LZTFL1: variants seen among roughly 807,000 people sequenced by gnomAD.
LZTFL1 encodes the protein leucine zipper transcription factor like 1, also known as leucine zipper transcription factor-like protein 1.
A neutral mutation model predicts 45.9 loss-of-function variants in LZTFL1; 25 were observed. The observed-to-expected ratio is 0.54, with a 90% CI of 0.40 to 0.76. The LOEUF (loss-of-function observed/expected upper bound fraction) is 0.76. Ranked by LOEUF, LZTFL1 falls within the 30% of genes least tolerant of loss-of-function variation. LZTFL1 has a pLI of 0.00. For synonymous variants in LZTFL1, 93 were observed against 117.4 expected, an observed-to-expected ratio of 0.79 and a Z score of 1.35; for missense variants, 277 against 331.1, an observed-to-expected ratio of 0.84 and a Z score of 1.27.
At chr3:45,832,211 ACT>A (rs1439762104) in intron 5 of LZTFL1, among the ~76,000 whole-genome samples, 1 of 151,984 alleles carries the variant, frequency 6.6e-6, no homozygotes, top group Non-Finnish European at 1.5e-5. Context: ...ACAGAGCAAG[ACT>A]CTGTCTCAAA....
At chr3:45,872,408 G>A (rs904641811) in intron 2 of LZTFL1, among the ~76,000 whole-genome samples, 1 of 152,170 alleles carries the variant, frequency 6.6e-6, no homozygotes, top group African/African-American at 2.4e-5. Flanking sequence ...TGTGGGGTAG[G>A]TTGTGTTTCC....
exon 4 of LZTFL1, chr3:45,855,035 G>T: frequency 6.5e-7 from 1 of 1,535,120 alleles, no homozygotes; most frequent in Non-Finnish European, 8.7e-7. Context: ...GTCACCAAAG[G>T]GTGGGTAGGG....
chr3:45,841,941 C>A (rs1160705818), intron 1 of LZTFL1, 48 bp downstream of exon 1: 1 of 1,604,934 alleles, frequency 6.2e-7, no homozygotes, highest in South Asian at 1.1e-5. Flanking sequence ...CAGCCCCGGC[C>A]GCGCTCTCTC....
At chr3:45,842,472 C>T (rs1404088579), upstream of LZTFL1, among the ~76,000 whole-genome samples, 2 of 150,674 alleles carry the variant, frequency 1.3e-5, no homozygotes, top group African/African-American at 2.5e-5. Flanking sequence ...TAGGGCGCGG[C>T]CCAGACATTT....
At chr3:45,842,170 G>T, upstream of LZTFL1, 1 of 1,476,876 alleles carries the variant, frequency 6.8e-7, no homozygotes, top group African/African-American at 1.4e-5. Context: ...CATTTTCATT[G>T]GTCCTCAGGA....
At position 45,838,024 on chromosome 3, in the gene LZTFL1, G is replaced by C. The variant is rs1337125353; in HGVS notation, c.31C>G (p.Gln11Glu). Residue 11 changes from glutamine to glutamate, a missense_variant, in exon 2 of 10, where the codon CAA becomes GAA. By Grantham distance (29) the Gln-to-Glu change is conservative (BLOSUM62 2). Coordinates refer to ENST00000296135, the MANE Select transcript of LZTFL1 (RefSeq NM_020347.4). The stretch of plus-strand genomic sequence containing the variant: ...CGCATATAATTAATAACTTCATTTT[G>C]ATGGTGCTCATTTAGGCCCAACTCT... MAELGLNEHHQNEVINYMRFA... is the reference protein window; with the variant it reads MAELGLNEHHENEVINYMRFA... 1 of 1,610,494 alleles carries C rather than the reference G, an allele frequency of 6.2e-7. No individual in the cohort carries two copies. The highest frequency in any genetic ancestry group is 1.7e-5 in the Admixed American group (1 of 59,136).
Position 45,823,687 on chromosome 3 carries a change from T to G in LZTFL1, c.*2627A>C, listed in dbSNP as rs1700597121. The G allele has an allele frequency of 6.6e-6, 1 of 152,234 alleles. No individual in the cohort carries two copies. The highest frequency in any genetic ancestry group is 2.1e-4 in the South Asian group (1 of 4,832). 9.4% of individuals were successfully genotyped at this position (152,234 alleles called of 1,614,324 possible). On this transcript the variant is annotated 3_prime_UTR_variant, in exon 10 of 10. Transcript: ENST00000296135. Reference sequence around the variant, plus strand: ...GTTTTGTCTAAATGTGAAATATCATTTTGCTGAAATAGCTTTTCTTTCTGG... The same window carrying G: ...GTTTTGTCTAAATGTGAAATATCATGTTGCTGAAATAGCTTTTCTTTCTGG...
chr3:45,860,211 CAAATAAAT>C (rs917938403), intron 2 of LZTFL1, among the ~76,000 whole-genome samples: 1 of 151,648 alleles, frequency 6.6e-6, no homozygotes, highest in East Asian at 1.9e-4. Flanking sequence ...GACACTGTCT[CAAATAAAT>C]AAATAAATAA....
chr3:45,890,305 A>ATATATATATTTATAAATATATATATGT (rs1702121761), intron 2 of LZTFL1, among the ~76,000 whole-genome samples: 1 of 7,988 alleles, frequency 1.3e-4, no homozygotes, highest in African/African-American at 1.0e-3. Flanking sequence ...TATATATAAC[A>ATATATATATTTATAAATATATATATGT]TATATATATA....
chr3:45,894,613 G>T (rs531116961), intron 2 of LZTFL1, among the ~76,000 whole-genome samples: 132 of 152,326 alleles, frequency 8.7e-4, no homozygotes, highest in African/African-American at 2.9e-3. Flanking sequence ...CTCATTTGTG[G>T]ATGGGAGATG....
At chr3:45,890,262 TATATATA>T (rs1702108770) in intron 2 of LZTFL1, among the ~76,000 whole-genome samples, 1 of 1,414 alleles carries the variant, frequency 7.1e-4, no homozygotes, top group Non-Finnish European at 7.8e-3. Context: ...ATTAGAAATA[TATATATA>T]ACATATATAT....
At chr3:45,849,213 T>A (rs1464446113) in intron 4 of LZTFL1, among the ~76,000 whole-genome samples, 1 of 152,042 alleles carries the variant, frequency 6.6e-6, no homozygotes, top group East Asian at 1.9e-4. Context: ...CAATTTAGGG[T>A]TTCAGGGAAA....
intron 3 of LZTFL1, among the ~76,000 whole-genome samples, chr3:45,855,583 G>T (rs1407931887): frequency 2.0e-5 from 3 of 151,838 alleles, no homozygotes; most frequent in Non-Finnish European, 4.4e-5. Context: ...CAAGAGAAGG[G>T]TATTCAAATA....
At position 45,901,239 on chromosome 3, in the gene LZTFL1, G is replaced by T; in HGVS notation, c.-215+11881C>A. 3.1e-6 allele frequency: 5 copies of T among 1,614,186 alleles called. No individual in the cohort carries two copies. Among genetic ancestry groups the T allele is most frequent in the Non-Finnish European group, 4.2e-6 (5 of 1,180,038 alleles). On this transcript the variant is annotated intron_variant, in intron 2 of 4. Coordinates refer to the LZTFL1 transcript ENST00000472635. The surrounding 1 kb of genome is among the most constrained non-coding windows in gnomAD (Gnocchi z 4.3). ...GGACAGGTACATTGCCATTGCCCAG[G>T]CCATGAGAGCACATACTTGGAGGGA...
At chr3:45,885,331 G>T (rs1701950813) in intron 2 of LZTFL1, among the ~76,000 whole-genome samples, 1 of 152,158 alleles carries the variant, frequency 6.6e-6, no homozygotes, top group Non-Finnish European at 1.5e-5. Flanking sequence ...AATCACATCA[G>T]GATTGAAGTC....
chr3:45,868,588 C>T (rs1701615731), intron 2 of LZTFL1, among the ~76,000 whole-genome samples: 1 of 152,202 alleles, frequency 6.6e-6, no homozygotes, highest in Non-Finnish European at 1.5e-5. Context: ...AATAGCCTCT[C>T]ATTTTATAGT....
intron 2 of LZTFL1, among the ~76,000 whole-genome samples, chr3:45,889,357 G>A (rs1702077069): frequency 6.6e-6 from 1 of 152,112 alleles, no homozygotes; most frequent in African/African-American, 2.4e-5. Flanking sequence ...CAACTTAGTT[G>A]CATAAAGTAG....
At chr3:45,907,918 C>T (rs891165254) in intron 2 of LZTFL1, among the ~76,000 whole-genome samples, 3 of 152,194 alleles carry the variant, frequency 2.0e-5, no homozygotes, top group Non-Finnish European at 2.9e-5. Context: ...TTATGACAGT[C>T]TTTGAGGCCA....
At chr3:45,854,920 TA>T (rs779104497) in intron 4 of LZTFL1, 3 of 1,187,732 alleles carry the variant, frequency 2.5e-6, no homozygotes, top group South Asian at 1.4e-5. Flanking sequence ...GGAATAACAA[TA>T]AAAAAACAGG....
Sources: gnomAD v4.1 joint callset for allele counts (sites outside exome capture counted in the v4.1 genomes callset) on GRCh38, gnomAD v4.1.1 for gene constraint, Gnocchi (gnomAD v3.1) non-coding constraint, MANE v1.5 for transcripts, NCBI Gene and HGNC (gene_info 2026-07-23, HGNC 2026-07-21) for gene names.